DLGAP2: variants seen among roughly 807,000 people sequenced by gnomAD.
The protein encoded by DLGAP2 is DLG associated protein 2, also known as disks large-associated protein 2.
DLGAP2 carries 26 observed loss-of-function variants against 100.3 expected under a neutral mutation model. That is an observed-to-expected ratio of 0.26 (90% CI 0.19 to 0.36). The LOEUF (loss-of-function observed/expected upper bound fraction) is 0.36, where lower values mean the gene tolerates loss of function less well. Ranked by LOEUF, DLGAP2 falls within the 10% of genes least tolerant of loss-of-function variation. The pLI is 1.00. For synonymous variants in DLGAP2, 886 were observed against 630.1 expected, an observed-to-expected ratio of 1.41 and a Z score of -6.08; for missense variants, 1,858 against 1,453.2, an observed-to-expected ratio of 1.28 and a Z score of -4.53.
intron 2 of DLGAP2, among the ~76,000 whole-genome samples, chr8:943,779 T>C (rs117520549): frequency 6.6e-6 from 1 of 152,400 alleles, no homozygotes; most frequent in Non-Finnish European, 1.5e-5. Flanking sequence ...GAGGAGCTGG[T>C]AGTAAATTTT....
chr8:1,138,506 G>A (rs1796463375), intron 2 of DLGAP2, among the ~76,000 whole-genome samples: 1 of 152,204 alleles, frequency 6.6e-6, no homozygotes, highest in Non-Finnish European at 1.5e-5. Flanking sequence ...AAAATGCTTT[G>A]AATAGAGCAG....
intron 3 of DLGAP2, among the ~76,000 whole-genome samples, chr8:1,344,352 C>G (rs971511456): frequency 2.0e-5 from 3 of 152,222 alleles, no homozygotes; most frequent in African/African-American, 7.2e-5. Flanking sequence ...TCACACCTCG[C>G]ACATGGCCGG....
chr8:841,265 A>G (rs1228866363), intron 1 of DLGAP2, among the ~76,000 whole-genome samples: 4 of 152,188 alleles, frequency 2.6e-5, no homozygotes. Flanking sequence ...TGATGAACTC[A>G]TGCATGGCGC....
intron 2 of DLGAP2, among the ~76,000 whole-genome samples, chr8:1,130,889 G>A (rs145336031): frequency 6.8e-6 from 1 of 146,666 alleles, no homozygotes; most frequent in Non-Finnish European, 1.5e-5. Flanking sequence ...CCCTAGCTCG[G>A]CAGCGGCTGG....
chr8:1,435,010 C>T (rs1267313657), intron 3 of DLGAP2, among the ~76,000 whole-genome samples: 1 of 152,160 alleles, frequency 6.6e-6, no homozygotes, highest in Non-Finnish European at 1.5e-5. Flanking sequence ...CTGTGTTATT[C>T]TTCCTAAAAC....
At chr8:918,864 G>T (rs1798649737) in intron 2 of DLGAP2, among the ~76,000 whole-genome samples, 1 of 152,196 alleles carries the variant, frequency 6.6e-6, no homozygotes, top group South Asian at 2.1e-4. Context: ...TGAGTTATTG[G>T]AAAGATCTAA....
intron 1 of DLGAP2, among the ~76,000 whole-genome samples, chr8:870,460 G>A (rs900372539): frequency 4.6e-5 from 7 of 152,028 alleles, no homozygotes; most frequent in African/African-American, 1.4e-4. Flanking sequence ...TTGGCACCCC[G>A]GCTTGAAAAC....
chr8:1,084,787 C>G (rs1803921029), intron 2 of DLGAP2, among the ~76,000 whole-genome samples: 1 of 152,268 alleles, frequency 6.6e-6, no homozygotes, highest in South Asian at 2.1e-4. Context: ...CCTTGATGGA[C>G]ACAGGTTGAT....
At chr8:1,032,730 G>C (rs2129028243) in intron 2 of DLGAP2, 1 of 152,324 alleles carries the variant, frequency 6.6e-6, no homozygotes, top group South Asian at 2.1e-4. Flanking sequence ...TCACTACTGA[G>C]AGCAGAGAAA....
rs188413203 is a variant in DLGAP2 at position 904,733 on chromosome 8, A to T, written c.19-3179A>T. Among the ~76,000 whole-genome samples, 12 of 152,266 alleles carry T rather than the reference A, an allele frequency of 7.9e-5. No homozygotes were observed. The East Asian group carries it at 2.3e-3, about 29-fold the overall frequency. On this transcript the variant is annotated intron_variant, in intron 1 of 14. Coordinates refer to ENST00000637795, the MANE Select transcript of DLGAP2 (RefSeq NM_001346810.2). ...GACAGACACCTCGGGGTGACCGCTG[A>T]GTATATTTTGTGGCCCCAGCACCCG...
intron 2 of DLGAP2, among the ~76,000 whole-genome samples, chr8:1,189,380 C>T (rs144023736): frequency 2.0e-5 from 3 of 152,332 alleles, no homozygotes; most frequent in Non-Finnish European, 4.4e-5. Flanking sequence ...CCCTAAATAA[C>T]ATTAAGACAC....
At chr8:894,750 G>A (rs373105511) in intron 1 of DLGAP2, among the ~76,000 whole-genome samples, 229 of 124,090 alleles carry the variant, frequency 1.8e-3, no homozygotes, top group African/African-American at 3.8e-3. Context: ...TGGGGAGAGC[G>A]GAGTGGTGAC....
chr8:1,627,749 C>A (rs1797542292), intron 7 of DLGAP2, among the ~76,000 whole-genome samples: 1 of 151,858 alleles, frequency 6.6e-6, no homozygotes, highest in Admixed American at 6.6e-5. Context: ...CTTGAGCCGA[C>A]CTCACATTCT....
chr8:1,654,951 C>A (rs114820949), intron 8 of DLGAP2, among the ~76,000 whole-genome samples: 2,037 of 152,332 alleles, frequency 0.013, 56 homozygotes, highest in African/African-American at 0.047. Context: ...AATACAAGTT[C>A]TCGCCGTGTG....
intron 3 of DLGAP2, among the ~76,000 whole-genome samples, chr8:1,355,083 G>A (rs1464679348): frequency 7.2e-5 from 11 of 152,044 alleles, no homozygotes; most frequent in Admixed American, 6.5e-5. Flanking sequence ...GGAAAGTCAC[G>A]GATGATTCTG....
chr8:906,560 TG>T (rs1342520113), intron 1 of DLGAP2, among the ~76,000 whole-genome samples: 1 of 152,162 alleles, frequency 6.6e-6, no homozygotes, highest in Non-Finnish European at 1.5e-5. Context: ...CTTGCACTGT[TG>T]GGCATGGGGG....
chr8:885,260 A>G lies in DLGAP2; in HGVS notation c.19-22652A>G, dbSNP rs186419903. On this transcript the variant is annotated intron_variant, in intron 1 of 14. Transcript: ENST00000637795. The stretch of plus-strand genomic sequence containing the variant: ...GTATTGATTCTTCCTATCCATGAGG[A>G]TGGAATGTTTTTCTATTTCTTTGTG... Among the ~76,000 whole-genome samples, 80 of 152,320 alleles carry G rather than the reference A, an allele frequency of 5.3e-4. 1 individual carries two copies. In the East Asian group the frequency reaches 0.014, roughly 27 times the overall value.
At chr8:908,589 T>C (rs1472884661) in intron 2 of DLGAP2, among the ~76,000 whole-genome samples, 1 of 152,302 alleles carries the variant, frequency 6.6e-6, no homozygotes, top group African/African-American at 2.4e-5. Context: ...TAAAAAAAAC[T>C]TCGTTATCAT....
chr8:1,698,091 G>A (rs1356176120), intron 14 of DLGAP2, among the ~76,000 whole-genome samples: 1 of 152,248 alleles, frequency 6.6e-6, no homozygotes, highest in African/African-American at 2.4e-5. Flanking sequence ...CCTGGGTCAT[G>A]AGAACGAGAG....
Sources: gnomAD v4.1 joint callset for allele counts (sites outside exome capture counted in the v4.1 genomes callset) on GRCh38, gnomAD v4.1.1 for gene constraint, MANE v1.5 for transcripts, NCBI Gene and HGNC (gene_info 2026-07-23, HGNC 2026-07-21) for gene names.